Variants in TASOR observed in about 807,000 individuals in gnomAD.
The protein encoded by TASOR is transcription activation suppressor.
A neutral mutation model predicts 178.6 loss-of-function variants in TASOR; 53 were observed. The ratio of observed to expected loss-of-function variants is 0.30; its 90% confidence interval spans 0.24 to 0.37. The LOEUF is 0.37. Among genes scored for constraint, TASOR ranks in the 10% least tolerant of loss-of-function variants. The pLI, the probability that TASOR is intolerant of heterozygous loss-of-function variation, is 1.00. For missense variants in TASOR, 1,815 were observed against 1,971.4 expected, an observed-to-expected ratio of 0.92 and a Z score of 1.50; for synonymous variants, 713 against 696.2, an observed-to-expected ratio of 1.02 and a Z score of -0.38.
At chr3:56,669,372 G>C (rs991912698) in intron 5 of TASOR, among the ~76,000 whole-genome samples, 1 of 151,902 alleles carries the variant, frequency 6.6e-6, no homozygotes, top group Admixed American at 6.6e-5. Flanking sequence ...GCTTGGTGGC[G>C]GGCACTTGTA....
chr3:56,624,853 C>T lies in TASOR; in HGVS notation c.4293G>A (p.Gln1431=), dbSNP rs766137176. The change falls in exon 22 of 24, where the codon CAG becomes CAA. Residue 1431 remains glutamine (Q), a synonymous_variant. Transcript: ENST00000683822. ...CLIRLQAQNI[Q]QRHIVFLTEK... The stretch of plus-strand genomic sequence containing the variant: ...CTGTTAAAAAGACTATGTGTCGTTG[C>T]TGTATGTTCTGAGCCTGAAGTCTGA... 1.2e-6 allele frequency: 2 copies of T among 1,613,994 alleles called. No homozygotes were observed. The highest frequency in any genetic ancestry group is 2.7e-5 in the African/African-American group (2 of 74,916).
intron 1 of TASOR, among the ~76,000 whole-genome samples, chr3:56,678,790 C>T (rs1402359197): frequency 6.6e-6 from 1 of 151,858 alleles, no homozygotes; most frequent in Non-Finnish European, 1.5e-5. Context: ...GAGGGCGGAT[C>T]ACTTCAGGTC....
At chr3:56,656,843 T>G (rs1051157302) in intron 11 of TASOR, among the ~76,000 whole-genome samples, 4 of 148,196 alleles carry the variant, frequency 2.7e-5, no homozygotes, top group Non-Finnish European at 3.0e-5. Context: ...AAGTCCCATC[T>G]CTACTAAAAA....
At chr3:56,671,422 CTG>C (rs1266541876) in intron 3 of TASOR, 176 bp downstream of exon 3, 1 of 519,582 alleles carries the variant, frequency 1.9e-6, no homozygotes, top group East Asian at 3.1e-5. Context: ...AGAGAAAAAA[CTG>C]AGTACATTTG....
intron 8 of TASOR, among the ~76,000 whole-genome samples, chr3:56,663,053 G>T (rs1374971618): frequency 6.6e-6 from 1 of 151,906 alleles, no homozygotes; most frequent in Non-Finnish European, 1.5e-5. Flanking sequence ...GGTGGTGGGC[G>T]CCTGTAATCC....
chr3:56,682,043 C>T (rs940822061), intron 1 of TASOR, among the ~76,000 whole-genome samples: 7 of 151,898 alleles, frequency 4.6e-5, no homozygotes, highest in African/African-American at 1.7e-4. Context: ...ATACTAAGTT[C>T]GAATTTAAAG....
At chr3:56,628,041 C>T (rs768492885) in intron 19 of TASOR, among the ~76,000 whole-genome samples, 6 of 152,090 alleles carry the variant, frequency 3.9e-5, no homozygotes, top group African/African-American at 1.2e-4. Context: ...AGAATTCAGA[C>T]GAAGGCAAAA....
chr3:56,640,844 C>G (rs1559825830), intron 15 of TASOR, among the ~76,000 whole-genome samples: 2 of 152,156 alleles, frequency 1.3e-5, no homozygotes. Flanking sequence ...ACTGGACACT[C>G]TAATAAGCAA....
intron 17 of TASOR, among the ~76,000 whole-genome samples, chr3:56,637,619 ATGG>A (rs767820115): frequency 6.6e-6 from 1 of 151,054 alleles, no homozygotes; most frequent in Non-Finnish European, 1.5e-5. Flanking sequence ...CTAGAAGGAG[ATGG>A]TGAAGATTTT....
intron 11 of TASOR, among the ~76,000 whole-genome samples, chr3:56,654,404 G>A (rs2077425824): frequency 7.0e-6 from 1 of 143,084 alleles, no homozygotes; most frequent in Non-Finnish European, 1.5e-5. Context: ...GGGCGGGGTT[G>A]GGGGGTGGTA....
At chr3:56,664,616 T>C (rs573239282) in intron 7 of TASOR, among the ~76,000 whole-genome samples, 3 of 152,352 alleles carry the variant, frequency 2.0e-5, no homozygotes, top group South Asian at 2.1e-4. Context: ...TGTTTCATGA[T>C]ATATGGTTTT....
intron 1 of TASOR, 129 bp downstream of exon 1, chr3:56,682,547 G>A (rs1003703534): frequency 2.9e-5 from 25 of 872,228 alleles, no homozygotes; most frequent in East Asian, 3.1e-5. Context: ...TGGCGGTGAG[G>A]GGAGAGGCGG....
chr3:56,628,524 GAAT>G lies in TASOR; in HGVS notation c.3835_3837del (p.Ile1279del). 1 of 1,603,512 alleles carries G rather than the reference GAAT, an allele frequency of 6.2e-7. No homozygotes were observed. On this transcript the variant is annotated inframe_deletion, in exon 19 of 24. Coordinates refer to ENST00000683822, the MANE Select transcript of TASOR (RefSeq NM_001365635.2). ...ATGAAACCTGCAATGTCTTCATTTT[GAAT>G]AATAATCAATAGTTTATCTAATTTT...
Position 56,660,845 on chromosome 3 carries a change from A to G in TASOR, c.1265-11T>C, listed in dbSNP as rs766426991. 2 of 1,612,054 alleles carry G rather than the reference A, an allele frequency of 1.2e-6. No homozygotes were observed. Among genetic ancestry groups the G allele is most frequent in the African/African-American group, 1.3e-5 (1 of 74,994 alleles). On this transcript the variant is annotated splice_polypyrimidine_tract_variant and intron_variant, in intron 10 of 23. Coordinates refer to ENST00000683822, the MANE Select transcript of TASOR (RefSeq NM_001365635.2). The stretch of plus-strand genomic sequence containing the variant: ...TTCCATTCTTCAAAACTGACATAAG[A>G]AAAATACATAGTAAATATCCAAATC...
chr3:56,653,852 AAATG>A (rs1467832340), intron 11 of TASOR, among the ~76,000 whole-genome samples: 1 of 152,250 alleles, frequency 6.6e-6, no homozygotes, highest in Non-Finnish European at 1.5e-5. Flanking sequence ...AATTTCTTAG[AAATG>A]AATAATGAAA....
chr3:56,637,235 G>A (rs568509216), intron 17 of TASOR, among the ~76,000 whole-genome samples: 27 of 152,306 alleles, frequency 1.8e-4, no homozygotes, highest in African/African-American at 6.5e-4. Flanking sequence ...TTTGGGTGAT[G>A]GTCATGTACA....
chr3:56,626,286 T>C (rs1362066504), intron 21 of TASOR, among the ~76,000 whole-genome samples: 3 of 152,200 alleles, frequency 2.0e-5, no homozygotes, highest in Non-Finnish European at 1.5e-5. Context: ...TTCCATGCAT[T>C]TTAGAAATTA....
In TASOR at chr3:56,623,017, TAA is replaced by T. The variant is rs565235444; in HGVS notation, c.*18_*19del. Reference sequence around the variant, plus strand: ...ATAAACAAAGTCCACAACAATCTCTTAAAAAAAAAGTTACTACAGTTATTTCT... The same window carrying T: ...ATAAACAAAGTCCACAACAATCTCTTAAAAAAAGTTACTACAGTTATTTCT... On this transcript the variant is annotated 3_prime_UTR_variant, in exon 24 of 24. Transcript: ENST00000683822. 2.1e-6 allele frequency: 3 copies of T among 1,446,334 alleles called. No homozygotes were observed. Among genetic ancestry groups the T allele is most frequent in the Admixed American group, 2.5e-5 (1 of 40,604 alleles). 89.6% of individuals were successfully genotyped at this position (1,446,334 alleles called of 1,614,324 possible). A position where few individuals can be genotyped will look rare whatever the true frequency, so the allele number is the denominator to read the frequency against.
chr3:56,666,638 A>C (rs751486256), intron 6 of TASOR, among the ~76,000 whole-genome samples: 3 of 152,218 alleles, frequency 2.0e-5, no homozygotes, highest in African/African-American at 7.2e-5. Flanking sequence ...TGAAGAGTTG[A>C]CCACCGGGAG....
Sources: allele counts gnomAD v4.1 joint callset (sites outside exome capture counted in the v4.1 genomes callset), GRCh38; gene constraint gnomAD v4.1.1; transcripts MANE v1.5; gene names NCBI Gene and HGNC (gene_info 2026-07-23, HGNC 2026-07-21).